The following MVB12B variants were observed in gnomAD, a reference collection of about 807,000 sequenced individuals.
The protein encoded by MVB12B is ESCRT-I complex subunit MVB12B.
In MVB12B, 16 loss-of-function variants were observed where a neutral mutation model predicts 41.6. The observed-to-expected ratio is 0.38, with a 90% CI of 0.26 to 0.58. The LOEUF (loss-of-function observed/expected upper bound fraction) is 0.58, where lower values mean the gene tolerates loss of function less well. Ranked by LOEUF, MVB12B falls within the 20% of genes least tolerant of loss-of-function variation. The pLI, the probability that MVB12B is intolerant of heterozygous loss-of-function variation, is 0.62. For synonymous variants in MVB12B, 133 were observed against 139.7 expected (o/e 0.95, Z 0.34); for missense variants, 274 against 380.2 (o/e 0.72, Z 2.32).
chr9:126,455,000 T>C (rs1282077987), intron 7 of MVB12B, among the ~76,000 whole-genome samples: 1 of 151,982 alleles, frequency 6.6e-6, no homozygotes, highest in African/African-American at 2.4e-5. Flanking sequence ...GCATGCACCA[T>C]GATGGCGATT....
intron 6 of MVB12B, among the ~76,000 whole-genome samples, chr9:126,410,436 C>T (rs1175374143): frequency 1.3e-5 from 2 of 152,180 alleles, no homozygotes; most frequent in African/African-American, 4.8e-5. Context: ...TACTTAACCT[C>T]TCTGAACCAC....
At chr9:126,358,268 A>G (rs1489190263) in intron 2 of MVB12B, among the ~76,000 whole-genome samples, 1 of 152,088 alleles carries the variant, frequency 6.6e-6, no homozygotes, top group South Asian at 2.1e-4. Flanking sequence ...ATTCTTTTTC[A>G]AAGTTATTTT....
At chr9:126,403,886 A>G (rs1831339641) in intron 6 of MVB12B, among the ~76,000 whole-genome samples, 1 of 151,504 alleles carries the variant, frequency 6.6e-6, no homozygotes, top group African/African-American at 2.4e-5. Flanking sequence ...TCCAGCAGAG[A>G]CTTATCATGC....
At position 126,386,597 on chromosome 9, in the gene MVB12B, C is replaced by T; in HGVS notation, c.348C>T (p.Leu116=). The T allele has an allele frequency of 1.2e-6, 2 of 1,614,028 alleles. No homozygotes were observed. The highest frequency in any genetic ancestry group is 1.7e-6 in the Non-Finnish European group (2 of 1,179,916). ...GGAACGTGTTAGTAGATATGAAGCT[C>T]ATTGACATCAAGGACACACTGCCTG... The part of the protein sequence containing the change: ...HLGNVLVDMK[L]IDIKDTLPVG... The change falls in exon 4 of 10, where the codon CTC becomes CTT. Residue 116 remains leucine (L), a synonymous_variant. Transcript: ENST00000361171. This position sits in a 1 kb window ranked among gnomAD's most constrained non-coding sequence, Gnocchi z 4.3.
At chr9:126,464,180 G>A (rs558000566) in intron 7 of MVB12B, among the ~76,000 whole-genome samples, 34 of 152,244 alleles carry the variant, frequency 2.2e-4, no homozygotes, top group South Asian at 1.2e-3. Context: ...GCAGATGATC[G>A]GAGCACAGTC....
chr9:126,400,874 G>T (rs538556391), intron 6 of MVB12B, among the ~76,000 whole-genome samples: 1 of 152,244 alleles, frequency 6.6e-6, no homozygotes, highest in African/African-American at 2.4e-5. Flanking sequence ...ATGAGCTGAC[G>T]ATGGGTGGTA....
At chr9:126,354,357 C>T (rs1164966281) in intron 2 of MVB12B, among the ~76,000 whole-genome samples, 1 of 152,124 alleles carries the variant, frequency 6.6e-6, no homozygotes, top group Non-Finnish European at 1.5e-5. Flanking sequence ...TCATATCTGT[C>T]AATCTTTTTC....
intron 6 of MVB12B, among the ~76,000 whole-genome samples, chr9:126,419,056 G>A (rs545199743): frequency 1.3e-5 from 2 of 152,216 alleles, no homozygotes; most frequent in African/African-American, 4.8e-5. Flanking sequence ...CTCCTGGCTG[G>A]CCTCTTTGCC....
chr9:126,346,761 G>A (rs1039173114), intron 2 of MVB12B, among the ~76,000 whole-genome samples: 3 of 152,214 alleles, frequency 2.0e-5, no homozygotes, highest in Non-Finnish European at 4.4e-5. Context: ...CTGAGCATCT[G>A]GAGAGGTAGG....
chr9:126,398,068 C>T (rs546162609), intron 6 of MVB12B, among the ~76,000 whole-genome samples: 24 of 152,238 alleles, frequency 1.6e-4, no homozygotes, highest in Non-Finnish European at 2.9e-4. Flanking sequence ...GCCTCCTCCT[C>T]CCCTGGCTTC....
chr9:126,454,035 A>G (rs1832932827), intron 7 of MVB12B, among the ~76,000 whole-genome samples: 1 of 152,254 alleles, frequency 6.6e-6, no homozygotes. Flanking sequence ...CAGGAGAGGC[A>G]TGGACCTCAG....
intron 7 of MVB12B, among the ~76,000 whole-genome samples, chr9:126,426,571 C>T (rs771196012): frequency 6.6e-6 from 1 of 151,948 alleles, no homozygotes; most frequent in Non-Finnish European, 1.5e-5. Flanking sequence ...TGGTGGCACC[C>T]TACCTTTTTT....
intron 7 of MVB12B, among the ~76,000 whole-genome samples, chr9:126,463,984 C>T (rs142365306): frequency 2.0e-5 from 3 of 152,190 alleles, no homozygotes; most frequent in African/African-American, 7.2e-5. Flanking sequence ...GGAATGTCCC[C>T]GTTTCACAGA....
At position 126,376,818 on chromosome 9, in the gene MVB12B, C is replaced by T. The variant is rs1397851348; in HGVS notation, c.205-4246C>T. Among the ~76,000 whole-genome samples, 1 of 152,124 alleles carries T rather than the reference C, an allele frequency of 6.6e-6. No individual in the cohort carries two copies. Among genetic ancestry groups the T allele is most frequent in the Admixed American group, 6.5e-5 (1 of 15,272 alleles). ...TGGGTTCCTTTCTGCAGAAGATACACCTGAAACTGGGGTGGGCACCTGGGA... is the reference window on the plus strand; with the variant it reads ...TGGGTTCCTTTCTGCAGAAGATACATCTGAAACTGGGGTGGGCACCTGGGA... On this transcript the variant is annotated intron_variant, in intron 2 of 9. Coordinates refer to ENST00000361171, the MANE Select transcript of MVB12B (RefSeq NM_033446.3). This position sits in a 1 kb window ranked among gnomAD's most constrained non-coding sequence, Gnocchi z 4.1.
In MVB12B at chr9:126,395,549, A is replaced by G. The variant is rs531255810; in HGVS notation, c.540-26A>G. ...TAAATGCTTTGTGCTAACCAGAGCC[A>G]TGAAGATTTCTCTTTTTTCCTAAAG... On this transcript the variant is annotated intron_variant, in intron 5 of 9. Coordinates refer to ENST00000361171, the MANE Select transcript of MVB12B (RefSeq NM_033446.3). This position sits in a 1 kb window ranked among gnomAD's most constrained non-coding sequence, Gnocchi z 4.9. 1.2e-6 allele frequency: 2 copies of G among 1,613,936 alleles called. No homozygotes were observed. Among genetic ancestry groups the G allele is most frequent in the African/African-American group, 1.3e-5 (1 of 75,060 alleles).
chr9:126,433,793 C>T (rs1441987543), intron 7 of MVB12B, among the ~76,000 whole-genome samples: 3 of 152,146 alleles, frequency 2.0e-5, no homozygotes, highest in Non-Finnish European at 2.9e-5. Flanking sequence ...CATTCCCAGT[C>T]CCAGCTTCCA....
At chr9:126,328,212 G>A (rs1032208446) in intron 1 of MVB12B, among the ~76,000 whole-genome samples, 2 of 152,160 alleles carry the variant, frequency 1.3e-5, no homozygotes, top group Non-Finnish European at 2.9e-5. Context: ...ACTGTACCAT[G>A]CTCAGAATCT....
chr9:126,495,573 T>C lies in MVB12B; in HGVS notation c.874-7604T>C, dbSNP rs1833812495. Among the ~76,000 whole-genome samples the C allele has an allele frequency of 3.3e-5, 5 of 152,282 alleles. No individual in the cohort carries two copies. In the South Asian group the frequency reaches 1.0e-3, roughly 32 times the overall value. On this transcript the variant is annotated intron_variant, in intron 9 of 9. Transcript: ENST00000361171. ...CACACACAAGACACAGTCACTGTGGTGAGATGGCAGTGGACACTCTTCCCA... is the reference window on the plus strand; with the variant it reads ...CACACACAAGACACAGTCACTGTGGCGAGATGGCAGTGGACACTCTTCCCA...
chr9:126,335,526 T>G, intron 1 of MVB12B: 1 of 646,384 alleles, frequency 1.5e-6, no homozygotes, highest in Non-Finnish European at 2.5e-6. Flanking sequence ...TGTCCTTCTG[T>G]CCCTTGCTTG....
Sources: gnomAD v4.1 joint callset for allele counts (sites outside exome capture counted in the v4.1 genomes callset) on GRCh38, gnomAD v4.1.1 for gene constraint, Gnocchi (gnomAD v3.1) non-coding constraint, MANE v1.5 for transcripts, NCBI Gene and HGNC (gene_info 2026-07-23, HGNC 2026-07-21) for gene names.